DSCAML1: variants seen among roughly 807,000 people sequenced by gnomAD.
DSCAML1 encodes DS cell adhesion molecule like 1.
In DSCAML1, 38 loss-of-function variants were observed where a neutral mutation model predicts 200.5. That is an observed-to-expected ratio of 0.19 (90% CI 0.15 to 0.25). The LOEUF (loss-of-function observed/expected upper bound fraction) is 0.25. Ranked by LOEUF, DSCAML1 falls within the 10% of genes least tolerant of loss-of-function variation. The probability of loss-of-function intolerance (pLI) is 1.00; values close to 1 mark genes in which losing one functional copy is unlikely to be tolerated. For missense variants in DSCAML1, 2,223 were observed against 2,858.8 expected (o/e 0.78, Z 5.07); for synonymous variants, 1,215 against 1,165.0 (o/e 1.04, Z -0.87).
Position 117,518,769 on chromosome 11 carries a change from G to A in DSCAML1, c.1214-7C>T, listed in dbSNP as rs1283415320. On this transcript the variant is annotated splice_polypyrimidine_tract_variant and splice_region_variant and intron_variant, in intron 6 of 32. Coordinates refer to ENST00000651296, the MANE Select transcript of DSCAML1 (RefSeq NM_020693.4). The surrounding 1 kb of genome is among the most constrained non-coding windows in gnomAD (Gnocchi z 6.3). ...ACGATGCGGGGCGTGCCATCTGCAG[G>A]GAGCGAGAAGCCCCCTTCAGGGTCA... The A allele has an allele frequency of 1.9e-6, 3 of 1,607,566 alleles. No individual in the cohort carries two copies. Among genetic ancestry groups the A allele is most frequent in the Non-Finnish European group, 1.7e-6 (2 of 1,178,942 alleles).
chr11:117,713,238 C>A, intron 3 of DSCAML1, among the ~76,000 whole-genome samples: 1 of 152,178 alleles, frequency 6.6e-6, no homozygotes, highest in East Asian at 1.9e-4. Context: ...GCCTCAGCCT[C>A]CCAAGTAGCT....
intron 3 of DSCAML1, among the ~76,000 whole-genome samples, chr11:117,614,648 C>T (rs1481072440): frequency 1.3e-5 from 2 of 152,196 alleles, no homozygotes; most frequent in Non-Finnish European, 2.9e-5. Flanking sequence ...GAAACCAAGG[C>T]TTAATGTGGT....
chr11:117,684,636 T>C (rs189981265), intron 3 of DSCAML1, among the ~76,000 whole-genome samples: 16 of 152,274 alleles, frequency 1.1e-4, no homozygotes, highest in Non-Finnish European at 1.6e-4. Context: ...GCCCCTCCTG[T>C]CTTTGTGCTA....
intron 3 of DSCAML1, among the ~76,000 whole-genome samples, chr11:117,573,195 T>G (rs1378959955): frequency 2.0e-5 from 3 of 152,240 alleles, no homozygotes; most frequent in African/African-American, 7.2e-5. Flanking sequence ...CCCGATCTGC[T>G]ACTGCTGCAG....
At chr11:117,449,410 C>A (rs2048241363) in intron 20 of DSCAML1, among the ~76,000 whole-genome samples, 2 of 152,118 alleles carry the variant, frequency 1.3e-5, no homozygotes, top group African/African-American at 4.8e-5. Flanking sequence ...GGTAATAGAA[C>A]TCTGGTCTCA....
chr11:117,486,911 C>CTTTTTTTTTTTTTTTTTTTTTTTTT (rs56805170), intron 11 of DSCAML1, among the ~76,000 whole-genome samples: 1 of 79,622 alleles, frequency 1.3e-5, no homozygotes, highest in Non-Finnish European at 2.3e-5. Flanking sequence ...TGTAAAATAC[C>CTTTTTTTTTTTTTTTTTTTTTTTTT]TTTTTTTTTT....
chr11:117,791,319 T>C (rs1175539860), intron 1 of DSCAML1, among the ~76,000 whole-genome samples: 2 of 152,178 alleles, frequency 1.3e-5, no homozygotes, highest in East Asian at 3.8e-4. Flanking sequence ...CAAAACTGCC[T>C]GAAAAATAGA....
intron 2 of DSCAML1, among the ~76,000 whole-genome samples, chr11:117,779,540 A>T (rs1415584508): frequency 6.6e-6 from 1 of 152,190 alleles, no homozygotes; most frequent in Non-Finnish European, 1.5e-5. Context: ...TCCCCTCAGC[A>T]GTAGAATGGA....
At chr11:117,737,148 G>A (rs1438271576) in intron 3 of DSCAML1, among the ~76,000 whole-genome samples, 1 of 152,204 alleles carries the variant, frequency 6.6e-6, no homozygotes, top group Non-Finnish European at 1.5e-5. Flanking sequence ...TATGAATCGG[G>A]AAGCTTGAAC....
rs371742604 is a variant in DSCAML1, at chr11:117,516,424, G to A, written c.1783+43C>T. On this transcript the variant is annotated intron_variant, in intron 8 of 32. Transcript: ENST00000651296. The surrounding 1 kb of genome is among the most constrained non-coding windows in gnomAD (Gnocchi z 5.7). ...CTGGGGAAAGGCCCACGCATCCTGG[G>A]TGGTCAGGCGGGCAGGGGCCCTGGC... The A allele has an allele frequency of 2.9e-4, 467 of 1,587,456 alleles. 1 individual carries two copies. In the African/African-American group the frequency reaches 5.7e-3, roughly 19 times the overall value.
intron 3 of DSCAML1, among the ~76,000 whole-genome samples, chr11:117,630,835 T>A (rs2052157997): frequency 6.6e-6 from 1 of 151,986 alleles, no homozygotes; most frequent in Non-Finnish European, 1.5e-5. Context: ...GAAGAGTGCC[T>A]GGGTTCAAAG....
In DSCAML1 at chr11:117,780,250, A is replaced by AAG. The variant is rs375031184; in HGVS notation, c.364+241_364+242dup. On this transcript the variant is annotated intron_variant, in intron 2 of 32. Coordinates refer to ENST00000651296, the MANE Select transcript of DSCAML1 (RefSeq NM_020693.4). The surrounding 1 kb of genome is among the most constrained non-coding windows in gnomAD (Gnocchi z 4.8). Reference sequence around the variant, plus strand: ...AAGAAAGGAAAGAAAGAAAGAAAGAAAGAAAGAAAGAAAGAAAGAAAGAAA... The same window carrying AAG: ...AAGAAAGGAAAGAAAGAAAGAAAGAAAGAGAAAGAAAGAAAGAAAGAAAGAAA... 3.6e-5 allele frequency among the ~76,000 whole-genome samples: 3 copies of AAG among 82,546 alleles called. No homozygotes were observed. The highest frequency in any genetic ancestry group is 1.4e-4 in the African/African-American group (3 of 21,964). 54.2% of individuals were successfully genotyped at this position (82,546 alleles called of 152,430 possible).
chr11:117,532,914 C>A (rs1363182857), intron 3 of DSCAML1, among the ~76,000 whole-genome samples: 5 of 151,666 alleles, frequency 3.3e-5, no homozygotes, highest in Admixed American at 3.3e-4. Flanking sequence ...CACTTGAGAC[C>A]AGGAATTGGA....
intron 19 of DSCAML1, among the ~76,000 whole-genome samples, chr11:117,458,294 C>T (rs2048412945): frequency 6.6e-6 from 1 of 152,224 alleles, no homozygotes. Flanking sequence ...GGCACACCCC[C>T]ATCCCTGCCT....
At chr11:117,673,880 C>T (rs898801777) in intron 3 of DSCAML1, among the ~76,000 whole-genome samples, 5 of 152,246 alleles carry the variant, frequency 3.3e-5, no homozygotes, top group African/African-American at 4.8e-5. Flanking sequence ...TGGAACTCAG[C>T]GTTTCCATTT....
At position 117,518,151 on chromosome 11, in the gene DSCAML1, A is replaced by T. The variant is rs2049812498; in HGVS notation, c.1510+315T>A. Among the ~76,000 whole-genome samples, 1 of 151,946 alleles carries T rather than the reference A, an allele frequency of 6.6e-6. No homozygotes were observed. Among genetic ancestry groups the T allele is most frequent in the South Asian group, 2.1e-4 (1 of 4,824 alleles). On this transcript the variant is annotated intron_variant, in intron 7 of 32. Coordinates refer to ENST00000651296, the MANE Select transcript of DSCAML1 (RefSeq NM_020693.4). The surrounding 1 kb of genome is among the most constrained non-coding windows in gnomAD (Gnocchi z 6.3). ...GGTGTTTAGCATACTTGGGCCCCAG[A>T]GAGATTTGATGGGGAGGAATGGGCT...
chr11:117,587,331 C>A (rs2051166992), intron 3 of DSCAML1, among the ~76,000 whole-genome samples: 1 of 147,778 alleles, frequency 6.8e-6, no homozygotes, highest in South Asian at 2.3e-4. Flanking sequence ...AGGTGAGTGA[C>A]CTGCACAAGG....
intron 3 of DSCAML1, among the ~76,000 whole-genome samples, chr11:117,552,487 G>A (rs1351893531): frequency 6.6e-6 from 1 of 151,894 alleles, no homozygotes; most frequent in Non-Finnish European, 1.5e-5. Context: ...TGGGAAGTTA[G>A]AGGGCCCTTT....
At position 117,498,772 on chromosome 11, in the gene DSCAML1, T is replaced by A. The variant is rs759356889; in HGVS notation, c.2359+5073A>T. Among the ~76,000 whole-genome samples, 9 of 152,066 alleles carry A rather than the reference T, an allele frequency of 5.9e-5. No individual in the cohort carries two copies. Among genetic ancestry groups the A allele is most frequent in the Non-Finnish European group, 1.3e-4 (9 of 68,000 alleles). On this transcript the variant is annotated intron_variant, in intron 11 of 32. Coordinates refer to ENST00000651296, the MANE Select transcript of DSCAML1 (RefSeq NM_020693.4). This position sits in a 1 kb window ranked among gnomAD's most constrained non-coding sequence, Gnocchi z 4.0. Reference sequence around the variant, plus strand: ...TTGGCCCCAAGCTCCCCGCTCCTGATGTTGTGGCTGCGCAGCTGGGTGTGT... The same window carrying A: ...TTGGCCCCAAGCTCCCCGCTCCTGAAGTTGTGGCTGCGCAGCTGGGTGTGT...
Sources: allele counts gnomAD v4.1 joint callset (sites outside exome capture counted in the v4.1 genomes callset), GRCh38; gene constraint gnomAD v4.1.1; non-coding constraint Gnocchi (gnomAD v3.1); transcripts MANE v1.5; gene names NCBI Gene and HGNC (gene_info 2026-07-23, HGNC 2026-07-21).